Variants in PURG observed in about 807,000 individuals in gnomAD.
The protein encoded by PURG is purine-rich element-binding protein gamma.
PURG carries 3 observed loss-of-function variants against 24.3 expected under a neutral mutation model. The observed-to-expected ratio is 0.12, with a 90% CI of 0.06 to 0.32. The LOEUF (loss-of-function observed/expected upper bound fraction) is 0.32, where lower values mean the gene tolerates loss of function less well. PURG is among the 10% of genes least tolerant of loss of function. The pLI is 1.00. For synonymous variants in PURG, 180 were observed against 173.1 expected (o/e 1.04, Z -0.31); for missense variants, 371 against 439.1 (o/e 0.84, Z 1.39).
Position 31,032,072 on chromosome 8 carries a change from A to G in PURG, c.711T>C (p.Val237=). The G allele has an allele frequency of 6.2e-7, 1 of 1,614,184 alleles. No individual in the cohort carries two copies. Among genetic ancestry groups the G allele is most frequent in the African/African-American group, 1.3e-5 (1 of 75,034 alleles). Residue 237 remains valine, a synonymous_variant, in exon 2 of 2, where the codon GTT becomes GTC. Coordinates refer to ENST00000523392, the MANE Select transcript of PURG (RefSeq NM_001323311.2). This position sits in a 1 kb window ranked among gnomAD's most constrained non-coding sequence, Gnocchi z 5.9. ...QGMIEFRDAL[V]QLIEDYGEGD... ...CTTCGCCATAGTCTTCAATCAGCTG[A>G]ACCAAGGCATCACGAAACTCAATCA...
intron 1 of PURG, among the ~76,000 whole-genome samples, chr8:31,025,528 A>G (rs1313586224): frequency 6.6e-6 from 1 of 151,976 alleles, no homozygotes; most frequent in Non-Finnish European, 1.5e-5. Flanking sequence ...CCATGAAAAA[A>G]TTCTTCTTCC....
At chr8:30,998,710 C>T (rs1810477614) in intron 1 of PURG, among the ~76,000 whole-genome samples, 1 of 151,752 alleles carries the variant, frequency 6.6e-6, no homozygotes, top group South Asian at 2.1e-4. Context: ...TGCTTCTGAA[C>T]AATATAGTTT....
At chr8:30,997,469 C>A (rs1810451046) in intron 1 of PURG, among the ~76,000 whole-genome samples, 1 of 151,652 alleles carries the variant, frequency 6.6e-6, no homozygotes, top group African/African-American at 2.4e-5. Flanking sequence ...TTGGTCTCCC[C>A]TTCACAAGGA....
At chr8:31,000,690 C>T (rs929344205) in intron 1 of PURG, among the ~76,000 whole-genome samples, 4 of 152,098 alleles carry the variant, frequency 2.6e-5, no homozygotes, top group African/African-American at 9.7e-5. Flanking sequence ...CATTAAATAA[C>T]TGTCTAAATG....
At chr8:31,026,659 T>TATATATATATAC (rs1554513481), downstream of PURG, among the ~76,000 whole-genome samples, 5 of 143,726 alleles carry the variant, frequency 3.5e-5, no homozygotes, top group East Asian at 8.2e-4. Flanking sequence ...TATATATATA[T>TATATATATATAC]ATACATACAC....
intron 1 of PURG, among the ~76,000 whole-genome samples, chr8:31,018,852 T>C (rs1329471261): frequency 6.6e-6 from 1 of 151,922 alleles, no homozygotes; most frequent in South Asian, 2.1e-4. Context: ...ATAGATATTA[T>C]ATAGATTTAG....
intron 1 of PURG, among the ~76,000 whole-genome samples, chr8:31,015,293 AG>A: frequency 6.6e-6 from 1 of 152,200 alleles, no homozygotes; most frequent in Non-Finnish European, 1.5e-5. Flanking sequence ...CTGAACACTT[AG>A]AAATGCTTAA....
downstream of PURG, among the ~76,000 whole-genome samples, chr8:31,028,810 T>C (rs1811136367): frequency 6.6e-6 from 1 of 151,922 alleles, no homozygotes; most frequent in African/African-American, 2.4e-5. Flanking sequence ...TATTAGCTTA[T>C]ATTACTACAG....
intron 1 of PURG, among the ~76,000 whole-genome samples, chr8:31,019,669 T>A (rs1585363388): frequency 6.7e-6 from 1 of 149,270 alleles, no homozygotes; most frequent in East Asian, 2.0e-4. Context: ...TGAGATGGAG[T>A]CTCACTCTGT....
chr8:31,020,302 T>A (rs1585363815), intron 1 of PURG, among the ~76,000 whole-genome samples: 1 of 152,338 alleles, frequency 6.6e-6, no homozygotes, highest in East Asian at 1.9e-4. Flanking sequence ...ACTTAGCGTA[T>A]TCTAGTAACT....
At chr8:31,004,311 A>G (rs184996472) in intron 1 of PURG, among the ~76,000 whole-genome samples, 1 of 152,362 alleles carries the variant, frequency 6.6e-6, no homozygotes, top group African/African-American at 2.4e-5. Flanking sequence ...ACATAATTTT[A>G]AGAGGGCTTA....
Position 31,020,899 on chromosome 8 carries a change from C to T in PURG, c.864+11020G>A, listed in dbSNP as rs10098210. Among the ~76,000 whole-genome samples, 1,509 of 152,302 alleles carry T rather than the reference C, an allele frequency of 9.9e-3. 22 individuals are homozygous for T. The highest frequency in any genetic ancestry group is 0.032 in the African/African-American group (1,322 of 41,566). On this transcript the variant is annotated intron_variant, in intron 1 of 1. Transcript: ENST00000339382. ...ACTGTTAGAAATGCATATTCTTGGT[C>T]TTCTCCCCACCTCACCAGTCCTACT...
intron 1 of PURG, among the ~76,000 whole-genome samples, chr8:31,003,273 G>T (rs1052928531): frequency 6.6e-6 from 1 of 152,152 alleles, no homozygotes; most frequent in Non-Finnish European, 1.5e-5. Flanking sequence ...TTTAGTCGTA[G>T]GTGAAAGAAA....
At chr8:31,025,302 T>A (rs1160085249) in intron 1 of PURG, among the ~76,000 whole-genome samples, 2 of 152,006 alleles carry the variant, frequency 1.3e-5, no homozygotes, top group Non-Finnish European at 2.9e-5. Flanking sequence ...GAATTTTTAA[T>A]GAATTTTATA....
intron 1 of PURG, among the ~76,000 whole-genome samples, chr8:31,000,380 G>T (rs1810514171): frequency 6.6e-6 from 1 of 152,042 alleles, no homozygotes; most frequent in Non-Finnish European, 1.5e-5. Context: ...TAATCATACT[G>T]ATATATATTT....
Position 31,020,057 on chromosome 8 carries a change from G to C in PURG, c.864+11862C>G, listed in dbSNP as rs1810964717. ...GTGGTGGCACGCGCCTGTAATTCCA[G>C]CTACTCGGGAGGCTGAGGCTGGAGA... On this transcript the variant is annotated intron_variant, in intron 1 of 1. Transcript: ENST00000339382. Among the ~76,000 whole-genome samples, 8 of 152,132 alleles carry C rather than the reference G, an allele frequency of 5.3e-5. 1 individual carries two copies. In the South Asian group the frequency reaches 1.7e-3, roughly 32 times the overall value.
chr8:31,007,553 A>G (rs1394506792), intron 1 of PURG, among the ~76,000 whole-genome samples: 1 of 152,248 alleles, frequency 6.6e-6, no homozygotes, highest in African/African-American at 2.4e-5. Flanking sequence ...AATCAGTGTA[A>G]TAAGAAAAAC....
chr8:31,032,759 T>A lies in PURG; in HGVS notation c.24A>T (p.Gly8=). The change falls in exon 2 of 2, where the codon GGA becomes GGT. Residue 8 remains glycine (G), a synonymous_variant. Coordinates refer to ENST00000523392, the MANE Select transcript of PURG (RefSeq NM_001323311.2). The surrounding 1 kb of genome is among the most constrained non-coding windows in gnomAD (Gnocchi z 5.9). The part of the protein sequence containing the change: MERARRR[G]GGGGRGRGGK... ...CTCCGCGGCCGCGGCCGCCGCCGCC[T>A]CCCCTTCGCCTGGCTCTTTCCATCT... 4 of 1,416,278 alleles carry A rather than the reference T, an allele frequency of 2.8e-6. No individual in the cohort carries two copies. Among genetic ancestry groups the A allele is most frequent in the Middle Eastern group, 2.5e-4 (1 of 3,970 alleles). The allele number at this position is 1,416,278 out of a possible 1,614,324, so 87.7% of individuals were successfully genotyped here.
At chr8:31,007,582 G>A (rs554276276) in intron 1 of PURG, among the ~76,000 whole-genome samples, 40 of 152,266 alleles carry the variant, frequency 2.6e-4, no homozygotes, top group African/African-American at 8.9e-4. Flanking sequence ...AACAGTGGAA[G>A]TACCACTTAA....
Sources: gnomAD v4.1 joint callset for allele counts (sites outside exome capture counted in the v4.1 genomes callset) on GRCh38, gnomAD v4.1.1 for gene constraint, Gnocchi (gnomAD v3.1) non-coding constraint, MANE v1.5 for transcripts, NCBI Gene and HGNC (gene_info 2026-07-23, HGNC 2026-07-21) for gene names.